ZNF536: variants seen among roughly 807,000 people sequenced by gnomAD.
ZNF536 encodes the protein zinc finger protein 536.
ZNF536 carries 13 observed loss-of-function variants against 84.5 expected under a neutral mutation model. The ratio of observed to expected loss-of-function variants is 0.15; its 90% CI spans 0.10 to 0.24. ZNF536 has a LOEUF of 0.24. Among genes scored for constraint, ZNF536 ranks in the 10% least tolerant of loss-of-function variants. The probability of loss-of-function intolerance (pLI) is 1.00; values close to 1 mark genes in which losing one functional copy is unlikely to be tolerated. For synonymous variants in ZNF536, 811 were observed against 742.5 expected (o/e 1.09, Z -1.50); for missense variants, 1,536 against 1,747.5 (o/e 0.88, Z 2.16).
chr19:30,302,215 C>T (rs1308634049), intron 2 of ZNF536, among the ~76,000 whole-genome samples: 4 of 152,296 alleles, frequency 2.6e-5, no homozygotes, highest in East Asian at 1.9e-4. Context: ...GAAATCCTAA[C>T]GCAGATTGTG....
At position 30,539,126 on chromosome 19, in the gene ZNF536, C is replaced by G. The variant is rs568964673; in HGVS notation, c.2323+4127C>G. Among the ~76,000 whole-genome samples, 101 of 140,466 alleles carry G rather than the reference C, an allele frequency of 7.2e-4. 1 individual carries two copies. Among genetic ancestry groups the G allele is most frequent in the Admixed American group, 5.5e-3 (79 of 14,442 alleles). The allele number at this position is 140,466 out of a possible 152,430, so 92.2% of individuals were successfully genotyped here. ...AAGAAAAGGAGATATGCACCCCCCC[C>G]ACACACACACACGCACACAGGAGAT... On this transcript the variant is annotated intron_variant, in intron 3 of 4. Coordinates refer to ENST00000355537, the MANE Select transcript of ZNF536 (RefSeq NM_014717.3).
chr19:30,524,163 C>A (rs2044481017), intron 2 of ZNF536, among the ~76,000 whole-genome samples: 1 of 152,204 alleles, frequency 6.6e-6, no homozygotes, highest in African/African-American at 2.4e-5. Flanking sequence ...TCTCATGCAA[C>A]CTCAAGTCAG....
chr19:30,377,137 G>A (rs2048849002), intron 1 of ZNF536, among the ~76,000 whole-genome samples: 1 of 152,162 alleles, frequency 6.6e-6, no homozygotes, highest in Non-Finnish European at 1.5e-5. Context: ...AAAGAAAGGG[G>A]ACAACTGTCT....
intron 1 of ZNF536, among the ~76,000 whole-genome samples, chr19:30,620,422 T>C (rs889995796): frequency 6.6e-6 from 1 of 151,946 alleles, no homozygotes; most frequent in Non-Finnish European, 1.5e-5. Flanking sequence ...CAAGATCAAA[T>C]AAAGCAAGCT....
intron 2 of ZNF536, among the ~76,000 whole-genome samples, chr19:30,471,480 C>T (rs1382297091): frequency 6.6e-6 from 1 of 152,202 alleles, no homozygotes; most frequent in Non-Finnish European, 1.5e-5. Context: ...GTGACGTGCA[C>T]AGGTCGCAGT....
intron 1 of ZNF536, among the ~76,000 whole-genome samples, chr19:30,231,666 ACT>A: frequency 6.6e-6 from 1 of 151,828 alleles, no homozygotes; most frequent in Non-Finnish European, 1.5e-5. Flanking sequence ...TCAGGTCTAG[ACT>A]CTTCAGGCTG....
At chr19:30,567,262 A>C (rs2146504301) in intron 1 of ZNF536, among the ~76,000 whole-genome samples, 1 of 152,288 alleles carries the variant, frequency 6.6e-6, no homozygotes, top group East Asian at 1.9e-4. Context: ...GGCGATCCTA[A>C]CCTGAGACAG....
chr19:30,594,962 T>C (rs933076868), intron 1 of ZNF536, among the ~76,000 whole-genome samples: 4 of 152,060 alleles, frequency 2.6e-5, no homozygotes, highest in Admixed American at 6.5e-5. Flanking sequence ...AGTGCTGCCC[T>C]GGCAGCACTG....
At chr19:30,534,159 G>A (rs1267318823) in intron 2 of ZNF536, among the ~76,000 whole-genome samples, 1 of 152,206 alleles carries the variant, frequency 6.6e-6, no homozygotes, top group Non-Finnish European at 1.5e-5. Flanking sequence ...AAAAAGATGT[G>A]TCTGCAGTGC....
intron 1 of ZNF536, among the ~76,000 whole-genome samples, chr19:30,400,418 AC>A (rs1251591646): frequency 6.6e-6 from 1 of 152,046 alleles, no homozygotes; most frequent in Non-Finnish European, 1.5e-5. Flanking sequence ...CAGAATTTTA[AC>A]TGTTTTAATC....
chr19:30,565,719 A>G (rs866467796), intron 1 of ZNF536, among the ~76,000 whole-genome samples: 5 of 152,140 alleles, frequency 3.3e-5, no homozygotes, highest in Middle Eastern at 3.4e-3. Flanking sequence ...GTCATCTCCA[A>G]TGCCTGCTGT....
At chr19:30,624,670 C>A (rs2048609918) in intron 1 of ZNF536, among the ~76,000 whole-genome samples, 1 of 152,086 alleles carries the variant, frequency 6.6e-6, no homozygotes, top group Non-Finnish European at 1.5e-5. Flanking sequence ...TGTTAGGGAG[C>A]AGGGCTGATT....
intron 1 of ZNF536, among the ~76,000 whole-genome samples, chr19:30,626,828 G>A (rs2048698513): frequency 6.6e-6 from 1 of 152,216 alleles, no homozygotes; most frequent in East Asian, 1.9e-4. Context: ...GCGGCAGCCT[G>A]CTCCCCGCAC....
At chr19:30,644,250 C>A (rs1274123732) in intron 1 of ZNF536, among the ~76,000 whole-genome samples, 1 of 152,134 alleles carries the variant, frequency 6.6e-6, no homozygotes, top group Non-Finnish European at 1.5e-5. Flanking sequence ...TAAAAATTTC[C>A]TCCTTCCTTT....
chr19:30,439,939 TCTTTTC>T, intron 1 of ZNF536, among the ~76,000 whole-genome samples: 1 of 150,898 alleles, frequency 6.6e-6, no homozygotes, highest in Admixed American at 6.6e-5. Flanking sequence ...TTTCTTTCTT[TCTTTTC>T]TTTTTCTTTC....
chr19:30,438,669 A>G (rs549147642), intron 1 of ZNF536, among the ~76,000 whole-genome samples: 1 of 152,300 alleles, frequency 6.6e-6, no homozygotes, highest in East Asian at 1.9e-4. Context: ...TTAAAAAATT[A>G]TCTTTTAAAT....
chr19:30,240,895 T>C (rs1176054286), intron 1 of ZNF536, among the ~76,000 whole-genome samples: 3 of 152,164 alleles, frequency 2.0e-5, no homozygotes, highest in Non-Finnish European at 4.4e-5. Context: ...GACATTGCTG[T>C]GGGGAACCTG....
At chr19:30,543,934 G>C (rs1030349576) in intron 3 of ZNF536, among the ~76,000 whole-genome samples, 1 of 152,154 alleles carries the variant, frequency 6.6e-6, no homozygotes, top group Admixed American at 6.5e-5. Context: ...AACATGCCCT[G>C]GCCGGGGCTC....
intron 1 of ZNF536, among the ~76,000 whole-genome samples, chr19:30,431,644 C>T (rs966933942): frequency 1.3e-5 from 2 of 152,182 alleles, no homozygotes; most frequent in African/African-American, 4.8e-5. Flanking sequence ...CTGTTCGACA[C>T]GATATCATAG....
Sources: allele counts gnomAD v4.1 joint callset (sites outside exome capture counted in the v4.1 genomes callset), GRCh38; gene constraint gnomAD v4.1.1; transcripts MANE v1.5; gene names NCBI Gene and HGNC (gene_info 2026-07-23, HGNC 2026-07-21).